The following KLHL3 variants were observed in gnomAD, a reference collection of about 807,000 sequenced individuals.
The protein encoded by KLHL3 is kelch-like protein 3.
A neutral mutation model predicts 70.5 loss-of-function variants in KLHL3; 19 were observed. That is an observed-to-expected ratio of 0.27 (90% CI 0.19 to 0.40). The LOEUF is 0.40. KLHL3 is among the 10% of genes least tolerant of loss of function. The pLI is 1.00. For missense variants in KLHL3, 512 were observed against 771.1 expected (o/e 0.66, Z 3.98); for synonymous variants, 258 against 290.3 (o/e 0.89, Z 1.13).
intron 2 of KLHL3, 38 bp from the exon 3 acceptor site, chr5:137,709,894 C>T (rs753835177): frequency 6.7e-7 from 1 of 1,487,534 alleles, no homozygotes; most frequent in Non-Finnish European, 9.4e-7. Flanking sequence ...TGGGTTGCAG[C>T]AAGGACACCT....
At chr5:137,647,614 T>C in intron 8 of KLHL3, 1 of 471,514 alleles carries the variant, frequency 2.1e-6, no homozygotes. Context: ...GAAGCGAGAG[T>C]CTCTCTTACC....
intron 6 of KLHL3, among the ~76,000 whole-genome samples, chr5:137,669,930 T>C (rs1469411939): frequency 6.6e-6 from 1 of 152,182 alleles, no homozygotes; most frequent in Non-Finnish European, 1.5e-5. Context: ...AATTGAGGAC[T>C]GGTGTCCCAT....
intron 2 of KLHL3, 133 bp downstream of exon 2, chr5:137,720,332 C>T: frequency 9.8e-7 from 1 of 1,023,648 alleles, no homozygotes; most frequent in Non-Finnish European, 1.4e-6. Flanking sequence ...GAAAGGGGAA[C>T]TCAAGTGACT....
At chr5:137,725,044 C>G in intron 1 of KLHL3, 2 of 985,292 alleles carry the variant, frequency 2.0e-6, no homozygotes, top group Non-Finnish European at 2.4e-6. Flanking sequence ...ATCCCCTAAA[C>G]CTTTTTCCCT....
At chr5:137,688,601 T>C (rs1252810280) in intron 5 of KLHL3, among the ~76,000 whole-genome samples, 2 of 152,194 alleles carry the variant, frequency 1.3e-5, no homozygotes, top group Non-Finnish European at 2.9e-5. Context: ...CAGTTACTGA[T>C]TCACAGGGCA....
intron 4 of KLHL3, among the ~76,000 whole-genome samples, chr5:137,693,394 T>A (rs1265741296): frequency 6.6e-6 from 1 of 152,146 alleles, no homozygotes; most frequent in African/African-American, 2.4e-5. Flanking sequence ...TGCATGTGTT[T>A]TTCCTAAGGG....
chr5:137,690,669 A>G (rs1752297036), intron 5 of KLHL3, among the ~76,000 whole-genome samples: 1 of 152,252 alleles, frequency 6.6e-6, no homozygotes, highest in Non-Finnish European at 1.5e-5. Flanking sequence ...GGGAGACATG[A>G]GAGTCTCTGC....
rs1366364684 is a variant in KLHL3, at chr5:137,624,487, GA to G, written c.1735+1265del. On this transcript the variant is annotated intron_variant, in intron 14 of 14. Coordinates refer to ENST00000309755, the MANE Select transcript of KLHL3 (RefSeq NM_017415.3). ...TTAGCCAAGAAAAGTATTACAAGGT[GA>G]AAAAAACTCTAAAGGAAGAAAAAAG... Among the ~76,000 whole-genome samples, 8 of 152,058 alleles carry G rather than the reference GA, an allele frequency of 5.3e-5. No homozygotes were observed. In the East Asian group the frequency reaches 1.5e-3, roughly 29 times the overall value.
At chr5:137,630,414 C>T (rs1750604526) in intron 12 of KLHL3, among the ~76,000 whole-genome samples, 1 of 152,084 alleles carries the variant, frequency 6.6e-6, no homozygotes. Flanking sequence ...CCAAAGGCGG[C>T]TCCCTCCACA....
chr5:137,662,253 AC>A (rs1343529796), intron 6 of KLHL3, among the ~76,000 whole-genome samples: 4 of 150,222 alleles, frequency 2.7e-5, no homozygotes, highest in African/African-American at 9.9e-5. Context: ...ACACACACAC[AC>A]ACACACACAC....
chr5:137,720,215 A>G lies in KLHL3; in HGVS notation c.134+250T>C, dbSNP rs10037801. 0.24 allele frequency among the ~76,000 whole-genome samples: 35,870 copies of G among 151,696 alleles called. 4,554 individuals carry two copies. Among genetic ancestry groups the G allele is most frequent in the African/African-American group, 0.33 (13,441 of 41,286 alleles). On this transcript the variant is annotated intron_variant, in intron 2 of 14. Coordinates refer to ENST00000309755, the MANE Select transcript of KLHL3 (RefSeq NM_017415.3). ...CTCGGGAGGCTGAGGCAGGGGAATCACTTGAACCCGGGAGGTGGAGGTTGC... is the reference window on the plus strand; with the variant it reads ...CTCGGGAGGCTGAGGCAGGGGAATCGCTTGAACCCGGGAGGTGGAGGTTGC...
chr5:137,723,820 A>T (rs1214999952), intron 1 of KLHL3, among the ~76,000 whole-genome samples: 1 of 152,208 alleles, frequency 6.6e-6, no homozygotes, highest in African/African-American at 2.4e-5. Flanking sequence ...GATGTTTCTA[A>T]TGTTCCCCCA....
chr5:137,643,374 G>C (rs569420128), intron 8 of KLHL3, among the ~76,000 whole-genome samples: 31 of 147,220 alleles, frequency 2.1e-4, no homozygotes, highest in African/African-American at 6.5e-4. Flanking sequence ...AAAAAAAATA[G>C]AATACAAGAT....
chr5:137,718,349 G>A (rs1752935642), intron 2 of KLHL3, among the ~76,000 whole-genome samples: 1 of 152,042 alleles, frequency 6.6e-6, no homozygotes, highest in African/African-American at 2.4e-5. Flanking sequence ...TAAAGAAAAG[G>A]GGGCTGGGCA....
At position 137,735,968 on chromosome 5, in the gene KLHL3, C is replaced by T. The variant is rs982146839; in HGVS notation, c.-322G>A. 1 of 449,258 alleles carries T rather than the reference C, an allele frequency of 2.2e-6. No homozygotes were observed. The highest frequency in any genetic ancestry group is 4.2e-6 in the Non-Finnish European group (1 of 240,906). 27.8% of individuals were successfully genotyped at this position (449,258 alleles called of 1,614,324 possible). A position where few individuals can be genotyped will look rare whatever the true frequency, so the allele number is the denominator to read the frequency against. ...CTTGGTCTCCTAGGAACGGCGGCAG[C>T]TCCAGCGACCCAGGTGCACTGCCAC... On this transcript the variant is annotated 5_prime_UTR_variant, in exon 1 of 15. Coordinates refer to ENST00000309755, the MANE Select transcript of KLHL3 (RefSeq NM_017415.3).
chr5:137,617,988 C>G lies in KLHL3; in HGVS notation c.*4110G>C, dbSNP rs1756273024. On this transcript the variant is annotated 3_prime_UTR_variant, in exon 15 of 15. Coordinates refer to ENST00000309755, the MANE Select transcript of KLHL3 (RefSeq NM_017415.3). ...CTGTGCATTCCTGCCATGGCTGATG[C>G]TATATCCATGAGTCACTGAGTCCCA... 6.6e-6 allele frequency: 1 copy of G among 152,568 alleles called. No individual in the cohort carries two copies. Among genetic ancestry groups the G allele is most frequent in the South Asian group, 2.1e-4 (1 of 4,828 alleles). The allele number at this position is 152,568 out of a possible 1,614,324, so 9.5% of individuals were successfully genotyped here.
chr5:137,717,798 C>G lies in KLHL3; in HGVS notation c.134+2667G>C, dbSNP rs1366660540. ...AGAAAAATGATAGGAAAATCTATGCCTAAACCTGAATTAAAATTTTCCTAG... is the reference window on the plus strand; with the variant it reads ...AGAAAAATGATAGGAAAATCTATGCGTAAACCTGAATTAAAATTTTCCTAG... On this transcript the variant is annotated intron_variant, in intron 2 of 14. Transcript: ENST00000309755. Among the ~76,000 whole-genome samples, 4 of 151,560 alleles carry G rather than the reference C, an allele frequency of 2.6e-5. No individual in the cohort carries two copies. The East Asian group carries it at 7.8e-4, about 29-fold the overall frequency.
chr5:137,631,812 G>A (rs574859252), intron 12 of KLHL3, among the ~76,000 whole-genome samples: 24 of 152,238 alleles, frequency 1.6e-4, no homozygotes, highest in African/African-American at 5.5e-4. Flanking sequence ...GAAACATAAG[G>A]TATGATGAGG....
intron 3 of KLHL3, chr5:137,706,381 G>A (rs1232811280): frequency 2.0e-6 from 2 of 985,060 alleles, no homozygotes; most frequent in African/African-American, 1.7e-5. Flanking sequence ...GAGATTTTTA[G>A]TATCTGTTTA....
Sources: allele counts gnomAD v4.1 joint callset (sites outside exome capture counted in the v4.1 genomes callset), GRCh38; gene constraint gnomAD v4.1.1; transcripts MANE v1.5; gene names NCBI Gene and HGNC (gene_info 2026-07-23, HGNC 2026-07-21).